NRG1: variants seen among roughly 807,000 people sequenced by gnomAD.
NRG1 encodes pro-neuregulin-1, membrane-bound isoform.
In NRG1, 18 loss-of-function variants were observed where a neutral mutation model predicts 63.8. The observed-to-expected ratio is 0.28, with a 90% CI of 0.19 to 0.42. The LOEUF (loss-of-function observed/expected upper bound fraction) is 0.42. Among genes scored for constraint, NRG1 ranks in the 10% least tolerant of loss-of-function variants. NRG1 has a pLI of 1.00. For synonymous variants in NRG1, 302 were observed against 301.3 expected, an observed-to-expected ratio of 1.00 and a Z score of -0.02; for missense variants, 762 against 814.7, an observed-to-expected ratio of 0.94 and a Z score of 0.79.
At chr8:31,885,533 C>T (rs1239086912) in intron 1 of NRG1, among the ~76,000 whole-genome samples, 3 of 152,068 alleles carry the variant, frequency 2.0e-5, no homozygotes, top group African/African-American at 7.2e-5. Flanking sequence ...AACAAAATGT[C>T]CACAATTCTT....
intron 1 of NRG1, among the ~76,000 whole-genome samples, chr8:31,883,427 C>T (rs1327639339): frequency 6.6e-6 from 1 of 152,074 alleles, no homozygotes; most frequent in African/African-American, 2.4e-5. Flanking sequence ...TTCACTAGAA[C>T]TGAACCTGTA....
intron 10 of NRG1, among the ~76,000 whole-genome samples, 168 bp from the exon 11 acceptor site, chr8:32,760,032 A>G (rs1830410766): frequency 6.6e-6 from 1 of 152,210 alleles, no homozygotes; most frequent in Non-Finnish European, 1.5e-5. Context: ...TCCTCTCTAT[A>G]GCAAATTACC....
chr8:31,787,200 C>T (rs899827880), intron 1 of NRG1, among the ~76,000 whole-genome samples: 24 of 152,148 alleles, frequency 1.6e-4, no homozygotes, highest in African/African-American at 4.1e-4. Flanking sequence ...AATTATAATA[C>T]GAATTTTTTT....
At chr8:32,567,724 A>G (rs1837727698) in intron 1 of NRG1, among the ~76,000 whole-genome samples, 2 of 152,260 alleles carry the variant, frequency 1.3e-5, no homozygotes, top group Admixed American at 6.5e-5. Flanking sequence ...GCCTGCTTCA[A>G]GCCATCACCA....
In NRG1 at chr8:32,375,131, C is replaced by T. The variant is rs183299757; in HGVS notation, c.38-220697C>T. Reference sequence around the variant, plus strand: ...CTGAGTAGCTGGGACTACAGGCACACACCACCACACCTGGATATAGTTTTT... The same window carrying T: ...CTGAGTAGCTGGGACTACAGGCACATACCACCACACCTGGATATAGTTTTT... On this transcript the variant is annotated intron_variant, in intron 1 of 10. Coordinates refer to the NRG1 transcript ENST00000519301. Among the ~76,000 whole-genome samples the T allele has an allele frequency of 2.1e-3, 284 of 136,586 alleles. 1 individual carries two copies. The highest frequency in any genetic ancestry group is 3.4e-3 in the Non-Finnish European group (216 of 62,960). 89.6% of individuals were successfully genotyped at this position (136,586 alleles called of 152,430 possible).
chr8:32,286,079 GA>G (rs1175745327), intron 1 of NRG1, among the ~76,000 whole-genome samples: 1 of 152,124 alleles, frequency 6.6e-6, no homozygotes, highest in African/African-American at 2.4e-5. Flanking sequence ...AATTTTTAAA[GA>G]TCCTTTAGAA....
chr8:32,473,730 C>A (rs969273606), intron 1 of NRG1, among the ~76,000 whole-genome samples: 1 of 152,166 alleles, frequency 6.6e-6, no homozygotes, highest in African/African-American at 2.4e-5. Context: ...GTCATCCAGG[C>A]TGGAGTGCAG....
intron 1 of NRG1, among the ~76,000 whole-genome samples, chr8:31,946,504 T>C (rs537839509): frequency 2.0e-5 from 3 of 152,354 alleles, no homozygotes; most frequent in East Asian, 3.9e-4. Flanking sequence ...ATCTAACTTA[T>C]ATTGAAAAAT....
chr8:32,486,052 C>T (rs11780929), intron 1 of NRG1, among the ~76,000 whole-genome samples: 95,968 of 151,206 alleles, frequency 0.63, 30,681 homozygotes, highest in East Asian at 0.79. Flanking sequence ...CTCAGCCTCC[C>T]AAGTAGCTGG....
At chr8:32,221,661 A>C (rs1381057411) in intron 1 of NRG1, among the ~76,000 whole-genome samples, 2 of 152,122 alleles carry the variant, frequency 1.3e-5, no homozygotes, top group African/African-American at 4.8e-5. Context: ...GTTTTCTCTG[A>C]AAAAGAGGGT....
chr8:32,699,401 A>G (rs893513582), intron 5 of NRG1, among the ~76,000 whole-genome samples: 1 of 152,212 alleles, frequency 6.6e-6, no homozygotes, highest in Non-Finnish European at 1.5e-5. Context: ...GATTCTGATT[A>G]GCTAAACAGC....
chr8:31,927,670 G>C (rs958618294), intron 1 of NRG1, among the ~76,000 whole-genome samples: 1 of 148,318 alleles, frequency 6.7e-6, no homozygotes, highest in Non-Finnish European at 1.5e-5. Flanking sequence ...GGATGGTCTC[G>C]ATCTCCTGAC....
At chr8:32,422,268 A>G (rs978238925) in intron 1 of NRG1, among the ~76,000 whole-genome samples, 1 of 152,170 alleles carries the variant, frequency 6.6e-6, no homozygotes, top group Non-Finnish European at 1.5e-5. Context: ...ATCCACACAT[A>G]TGTATATGAT....
At chr8:31,896,141 T>C (rs1831560720) in intron 1 of NRG1, among the ~76,000 whole-genome samples, 1 of 152,194 alleles carries the variant, frequency 6.6e-6, no homozygotes, top group Admixed American at 6.5e-5. Flanking sequence ...ATTTGCTCAC[T>C]AGACCAGAGC....
At chr8:31,829,094 G>A (rs1192115202) in intron 1 of NRG1, among the ~76,000 whole-genome samples, 1 of 152,160 alleles carries the variant, frequency 6.6e-6, no homozygotes, top group Non-Finnish European at 1.5e-5. Context: ...ATCAAGAAAA[G>A]TTCACCTCCT....
At chr8:32,637,743 T>A (rs1044769424) in intron 5 of NRG1, among the ~76,000 whole-genome samples, 2 of 152,208 alleles carry the variant, frequency 1.3e-5, no homozygotes, top group Non-Finnish European at 2.9e-5. Flanking sequence ...TAGCGTCTAA[T>A]CTCCAGCCTG....
At chr8:32,257,202 G>A (rs1230054632) in intron 1 of NRG1, among the ~76,000 whole-genome samples, 2 of 152,160 alleles carry the variant, frequency 1.3e-5, no homozygotes, top group Non-Finnish European at 2.9e-5. Context: ...TCAAGCCAGT[G>A]GATCTTAGCC....
At chr8:32,059,117 T>C (rs1823437737) in intron 1 of NRG1, among the ~76,000 whole-genome samples, 1 of 152,074 alleles carries the variant, frequency 6.6e-6, no homozygotes, top group East Asian at 1.9e-4. Context: ...AAAGAAAAGA[T>C]TCCTAGCATT....
At position 31,911,643 on chromosome 8, in the gene NRG1, G is replaced by A. The variant is rs2129617519; in HGVS notation, c.37+272212G>A. On this transcript the variant is annotated intron_variant, in intron 1 of 10. Transcript: ENST00000519301. The stretch of plus-strand genomic sequence containing the variant: ...ATGGGTACTAGGCTTAATACATTGG[G>A]TGACAAAATAATCTGTACAATGAAA... Among the ~76,000 whole-genome samples the A allele has an allele frequency of 1.3e-5, 2 of 152,250 alleles. 1 individual carries two copies. The highest frequency in any genetic ancestry group is 4.1e-4 in the South Asian group (2 of 4,822).
Sources: gnomAD v4.1 joint callset for allele counts (sites outside exome capture counted in the v4.1 genomes callset) on GRCh38, gnomAD v4.1.1 for gene constraint, MANE v1.5 for transcripts, NCBI Gene and HGNC (gene_info 2026-07-23, HGNC 2026-07-21) for gene names.